Variants in SCN1A observed in about 807,000 individuals in gnomAD.
SCN1A encodes the protein sodium channel protein type 1 subunit alpha.
A neutral mutation model predicts 193.7 loss-of-function variants in SCN1A; 13 were observed. The ratio of observed to expected loss-of-function variants is 0.07; its 90% CI spans 0.04 to 0.11. The LOEUF (loss-of-function observed/expected upper bound fraction) is 0.11. SCN1A is among the 10% of genes least tolerant of loss of function. The probability of loss-of-function intolerance (pLI) is 1.00; values close to 1 mark genes in which losing one functional copy is unlikely to be tolerated. For synonymous variants in SCN1A, 781 were observed against 843.6 expected (o/e 0.93, Z 1.29); for missense variants, 1,432 against 2,451.1 (o/e 0.58, Z 8.78).
Position 166,138,471 on chromosome 2 carries a change from C to T in SCN1A, c.-50+10576G>A, listed in dbSNP as rs118172739. Among the ~76,000 whole-genome samples the T allele has an allele frequency of 4.3e-4, 66 of 152,318 alleles. 1 individual carries two copies. In the East Asian group the frequency reaches 6.4e-3, roughly 15 times the overall value. On this transcript the variant is annotated intron_variant, in intron 1 of 26. Coordinates refer to the SCN1A transcript ENST00000635750. ...TCCAGCTATGGCTGAAAGGGGCCAA[C>T]ATAGTGCATGGGTCATAGCTTCAGA...
chr2:166,143,205 C>T lies in SCN1A; in HGVS notation c.-50+5842G>A, dbSNP rs183820077. ...TTTTTGAGATGGAGTTTCGCTCTGTCGCCCAGGCTGGAGTGCGGTGGCAGG... is the reference window on the plus strand; with the variant it reads ...TTTTTGAGATGGAGTTTCGCTCTGTTGCCCAGGCTGGAGTGCGGTGGCAGG... On this transcript the variant is annotated intron_variant, in intron 1 of 26. Coordinates refer to the SCN1A transcript ENST00000635750. Among the ~76,000 whole-genome samples the T allele has an allele frequency of 8.8e-3, 1,084 of 123,628 alleles. 15 individuals are homozygous for T. The highest frequency in any genetic ancestry group is 0.032 in the African/African-American group (1,026 of 31,592). 81.1% of individuals were successfully genotyped at this position (123,628 alleles called of 152,430 possible). A position where few individuals can be genotyped will look rare whatever the true frequency, so the allele number is the denominator to read the frequency against.
chr2:166,015,708 C>T lies in SCN1A; in HGVS notation c.3449G>A (p.Ser1150Asn), dbSNP rs1559153256. ...GTCCACAGTGCTACCTTCTGATGAGCTACTGCTTTCATTCAGTTTCTGTAA... is the reference window on the plus strand; with the variant it reads ...GTCCACAGTGCTACCTTCTGATGAGTTACTGCTTTCATTCAGTTTCTGTAA... ...ESKEKLNESS[S>N]SSEGSTVDIG... The change falls in exon 20 of 29, where the codon AGC becomes AAC. Residue 1150 changes from serine (S) to asparagine (N), a missense_variant. Around this residue, in one of 18 missense-constraint regions of SCN1A, gnomAD observed 198 missense variants for 225.8 expected, o/e 0.88. Transcript: ENST00000674923. 1 of 1,612,736 alleles carries T rather than the reference C, an allele frequency of 6.2e-7. No individual in the cohort carries two copies. The highest frequency in any genetic ancestry group is 1.1e-5 in the South Asian group (1 of 91,070).
At position 165,992,973 on chromosome 2, in the gene SCN1A, C is replaced by T. The variant is rs1275745537; in HGVS notation, c.4853-551G>A. On this transcript the variant is annotated intron_variant, in intron 28 of 28. Coordinates refer to ENST00000674923, the MANE Select transcript of SCN1A (RefSeq NM_001165963.4). This position sits in a 1 kb window ranked among gnomAD's most constrained non-coding sequence, Gnocchi z 6.5. Reference sequence around the variant, plus strand: ...TTTCTGAAAGGATCCCAGGTTGATGCTCTTTTTAGTATCCTGTACTTAATG... The same window carrying T: ...TTTCTGAAAGGATCCCAGGTTGATGTTCTTTTTAGTATCCTGTACTTAATG... 6.5e-6 allele frequency: 1 copy of T among 152,916 alleles called. No homozygotes were observed. Among genetic ancestry groups the T allele is most frequent in the African/African-American group, 2.4e-5 (1 of 41,394 alleles). 9.5% of individuals were successfully genotyped at this position (152,916 alleles called of 1,614,324 possible). A position where few individuals can be genotyped will look rare whatever the true frequency, so the allele number is the denominator to read the frequency against.
At chr2:166,138,049 C>A (rs1480214396) in intron 1 of SCN1A, among the ~76,000 whole-genome samples, 1 of 152,082 alleles carries the variant, frequency 6.6e-6, no homozygotes, top group African/African-American at 2.4e-5. Context: ...GAACTTTGAA[C>A]TTGGGAGAGA....
chr2:166,069,826 C>A (rs1382769919), intron 4 of SCN1A, among the ~76,000 whole-genome samples: 2 of 152,160 alleles, frequency 1.3e-5, no homozygotes, highest in African/African-American at 4.8e-5. Flanking sequence ...CTAATCCACA[C>A]CCCCAGTATC....
rs145938519 is a variant in SCN1A at position 166,017,426 on chromosome 2, A to C, written c.3430-1699T>G. ...GCAGGCGTTAGTCACATTCTCAATC[A>C]AACTACTCATAACATCACATGATCT... On this transcript the variant is annotated intron_variant, in intron 19 of 28. Transcript: ENST00000674923. Among the ~76,000 whole-genome samples, 383 of 152,162 alleles carry C rather than the reference A, an allele frequency of 2.5e-3. 4 individuals carry two copies. The highest frequency in any genetic ancestry group is 8.9e-3 in the Admixed American group (136 of 15,268).
At chr2:166,017,906 T>C (rs1176255725) in intron 19 of SCN1A, among the ~76,000 whole-genome samples, 1 of 152,030 alleles carries the variant, frequency 6.6e-6, no homozygotes, top group Non-Finnish European at 1.5e-5. Context: ...AATAATAGAA[T>C]ATTAGCATAA....
intron 23 of SCN1A, among the ~76,000 whole-genome samples, chr2:166,006,778 T>G (rs1217151724): frequency 6.6e-6 from 1 of 151,318 alleles, no homozygotes; most frequent in Non-Finnish European, 1.5e-5. Flanking sequence ...CTCATACATA[T>G]CAATAATCAA....
At chr2:165,995,049 A>C (rs994250503) in intron 27 of SCN1A, among the ~76,000 whole-genome samples, 6 of 151,874 alleles carry the variant, frequency 4.0e-5, no homozygotes, top group Non-Finnish European at 7.4e-5. Flanking sequence ...GTCAAAAAAA[A>C]CTTCACGTTC....
At chr2:166,037,199 T>C (rs1474950157) in intron 18 of SCN1A, among the ~76,000 whole-genome samples, 1 of 152,220 alleles carries the variant, frequency 6.6e-6, no homozygotes, top group Non-Finnish European at 1.5e-5. Flanking sequence ...ATTATGGTAA[T>C]CTCAGGCATC....
Position 166,047,619 on chromosome 2 carries a change from G to A in SCN1A, c.1170+8C>T. 2 of 1,613,166 alleles carry A rather than the reference G, an allele frequency of 1.2e-6. No individual in the cohort carries two copies. The highest frequency in any genetic ancestry group is 1.3e-5 in the African/African-American group (1 of 74,912). On this transcript the variant is annotated splice_region_variant and intron_variant, in intron 11 of 28. Transcript: ENST00000674923. ...CTTAAATGGAGAGTGTGGCTCTTTA[G>A]TTCTCACCAGTTGATAAAGATTTTC...
intron 21 of SCN1A, among the ~76,000 whole-genome samples, chr2:166,012,612 CTTTTTTT>C (rs60890420): frequency 0.027 from 2,062 of 77,308 alleles, 25 homozygotes; most frequent in Non-Finnish European, 0.037. Context: ...CTTCTATTGG[CTTTTTTT>C]TTTTTTTTTT....
At chr2:166,069,963 A>G (rs1171018650) in intron 4 of SCN1A, among the ~76,000 whole-genome samples, 2 of 152,194 alleles carry the variant, frequency 1.3e-5, no homozygotes, top group African/African-American at 4.8e-5. Context: ...TCACCCAGCC[A>G]ATCTCAGATA....
intron 19 of SCN1A, chr2:166,015,945 CTA>C: frequency 1.9e-6 from 1 of 536,740 alleles, no homozygotes; most frequent in Non-Finnish European, 3.3e-6. Flanking sequence ...AATCAGATTG[CTA>C]TGTTATGAGG....
At chr2:166,046,579 T>C (rs1697846104) in intron 12 of SCN1A, among the ~76,000 whole-genome samples, 191 bp downstream of exon 12, 1 of 152,194 alleles carries the variant, frequency 6.6e-6, no homozygotes, top group Non-Finnish European at 1.5e-5. Flanking sequence ...GAGAGAGTTC[T>C]ATTGTGGTTA....
At chr2:166,132,741 T>A (rs1691709531), upstream of SCN1A, among the ~76,000 whole-genome samples, 1 of 152,138 alleles carries the variant, frequency 6.6e-6, no homozygotes, top group African/African-American at 2.4e-5. Context: ...CTTTTGAAAC[T>A]CTGGTAAAGT....
chr2:166,039,354 C>T (rs2105815614), intron 17 of SCN1A, 69 bp downstream of exon 17: 2 of 1,496,554 alleles, frequency 1.3e-6, no homozygotes, highest in Non-Finnish European at 1.8e-6. Flanking sequence ...AAAACTATGA[C>T]ATTGCTATGC....
At chr2:166,117,976 T>A (rs1690060299) in intron 2 of SCN1A, among the ~76,000 whole-genome samples, 2 of 151,894 alleles carry the variant, frequency 1.3e-5, no homozygotes, top group Admixed American at 6.6e-5. Flanking sequence ...AAAAAAAATT[T>A]TTTTTTTGAT....
chr2:166,073,693 A>G, intron 3 of SCN1A, 23 bp from the exon 4 acceptor site: 1 of 1,530,436 alleles, frequency 6.5e-7, no homozygotes, highest in Admixed American at 1.7e-5. Context: ...GAATACAGAT[A>G]TTTTAAAGAG....
Sources: gnomAD v4.1 joint callset for allele counts (sites outside exome capture counted in the v4.1 genomes callset) on GRCh38, gnomAD v4.1.1 for gene constraint, gnomAD v4.1.1 regional missense constraint, Gnocchi (gnomAD v3.1) non-coding constraint, MANE v1.5 for transcripts, NCBI Gene and HGNC (gene_info 2026-07-23, HGNC 2026-07-21) for gene names.